The following C3orf49 variants were observed in gnomAD, a reference collection of about 807,000 sequenced individuals.
C3orf49 encodes the protein chromosome 3 open reading frame 49.
A neutral mutation model predicts 13.3 loss-of-function variants in C3orf49; 27 were observed. The ratio of observed to expected loss-of-function variants is 2.02; its 90% CI spans 1.49 to 2.79. C3orf49 has a LOEUF of 2.79. Ranked by LOEUF, C3orf49 falls within the 30% of genes most tolerant of loss-of-function variation. The pLI, the probability that C3orf49 is intolerant of heterozygous loss-of-function variation, is 0.00. For missense variants in C3orf49, 242 were observed against 134.2 expected, an observed-to-expected ratio of 1.80 and a Z score of -3.97; for synonymous variants, 87 against 47.6, an observed-to-expected ratio of 1.83 and a Z score of -3.40.
intron 2 of C3orf49, among the ~76,000 whole-genome samples, chr3:63,826,065 G>T (rs1039227736): frequency 6.6e-6 from 1 of 152,212 alleles, no homozygotes; most frequent in African/African-American, 2.4e-5. Context: ...ATTAGGAAAT[G>T]AAAGAAATCC....
At chr3:63,789,301 G>A in the C3orf49 span, among the ~76,000 whole-genome samples, 6 of 152,146 alleles carry the variant, frequency 3.9e-5, no homozygotes, top group African/African-American at 1.2e-4. Flanking sequence ...CTCCATTCAT[G>A]GAAAAATTGT....
At chr3:63,818,415 C>G (rs754968139), upstream of C3orf49, among the ~76,000 whole-genome samples, 3 of 152,112 alleles carry the variant, frequency 2.0e-5, no homozygotes, top group Non-Finnish European at 4.4e-5. Context: ...CATACAAGAC[C>G]CTCACTACTC....
At chr3:63,838,130 C>T in intron 5 of C3orf49, 2 of 1,424,316 alleles carry the variant, frequency 1.4e-6, no homozygotes, top group Non-Finnish European at 1.9e-6. Flanking sequence ...TTTTAAAACG[C>T]ATTTATAAAT....
chr3:63,835,387 T>A, intron 5 of C3orf49: 2 of 1,613,218 alleles, frequency 1.2e-6, no homozygotes, highest in Non-Finnish European at 1.7e-6. Context: ...GAGCCTCTAG[T>A]TCCCTGGAAA....
chr3:63,824,097 C>T (rs1701436195), intron 2 of C3orf49, among the ~76,000 whole-genome samples: 1 of 152,010 alleles, frequency 6.6e-6, no homozygotes, highest in African/African-American at 2.4e-5. Context: ...CTTGCTCATA[C>T]CTTTTGAGAA....
At chr3:63,838,472 G>A in intron 5 of C3orf49, 2 of 1,609,494 alleles carry the variant, frequency 1.2e-6, no homozygotes, top group Non-Finnish European at 1.7e-6. Context: ...GAGACAGCGT[G>A]CTCAGCATAC....
chr3:63,821,405 T>C (rs985471671), intron 1 of C3orf49, among the ~76,000 whole-genome samples: 1 of 152,198 alleles, frequency 6.6e-6, no homozygotes, highest in East Asian at 1.9e-4. Flanking sequence ...TAGAAATATA[T>C]GTTATATATT....
At chr3:63,839,220 C>T (rs377428494) in intron 5 of C3orf49, among the ~76,000 whole-genome samples, 3 of 152,138 alleles carry the variant, frequency 2.0e-5, no homozygotes, top group African/African-American at 7.2e-5. Context: ...TACGTGTGTG[C>T]GTGTGTATCA....
the C3orf49 span, among the ~76,000 whole-genome samples, chr3:63,800,033 G>A: frequency 6.6e-6 from 1 of 152,184 alleles, no homozygotes; most frequent in African/African-American, 2.4e-5. Context: ...AGGATGGAAT[G>A]TACTAGAAGG....
chr3:63,820,531 G>C (rs1701378765), intron 1 of C3orf49, among the ~76,000 whole-genome samples: 1 of 152,168 alleles, frequency 6.6e-6, no homozygotes, highest in Non-Finnish European at 1.5e-5. Flanking sequence ...ACACCTTCTA[G>C]AGATTCTGAG....
the C3orf49 span, among the ~76,000 whole-genome samples, chr3:63,809,355 G>A: frequency 6.6e-6 from 1 of 152,188 alleles, no homozygotes; most frequent in African/African-American, 2.4e-5. Context: ...ACAAATTTAT[G>A]CTGTTTTAAG....
the C3orf49 span, among the ~76,000 whole-genome samples, chr3:63,783,616 G>T: frequency 1.3e-5 from 2 of 151,394 alleles, no homozygotes; most frequent in African/African-American, 4.9e-5. Flanking sequence ...TACTTGGGAG[G>T]CTGAGGCACG....
At chr3:63,815,771 CTTTTT>C (rs1227837780), upstream of C3orf49, among the ~76,000 whole-genome samples, 3 of 136,576 alleles carry the variant, frequency 2.2e-5, no homozygotes, top group African/African-American at 2.8e-5. Flanking sequence ...TCTTTTCTTT[CTTTTT>C]TTTTTTTTTT....
At chr3:63,839,300 A>C (rs1225774656) in intron 5 of C3orf49, among the ~76,000 whole-genome samples, 1 of 152,192 alleles carries the variant, frequency 6.6e-6, no homozygotes, top group Non-Finnish European at 1.5e-5. Flanking sequence ...ATCACGATTA[A>C]TTTTGCACCA....
intron 5 of C3orf49, chr3:63,834,249 TA>T: frequency 6.4e-7 from 1 of 1,567,792 alleles, no homozygotes; most frequent in Non-Finnish European, 8.8e-7. Context: ...GCCTATATTT[TA>T]TATTCGATGA....
chr3:63,786,551 GC>G, the C3orf49 span, among the ~76,000 whole-genome samples: 1 of 152,164 alleles, frequency 6.6e-6, no homozygotes, highest in Non-Finnish European at 1.5e-5. Context: ...AGGTCGTGGA[GC>G]TAAAGAAGGA....
chr3:63,804,151 G>A, the C3orf49 span, among the ~76,000 whole-genome samples: 1 of 152,132 alleles, frequency 6.6e-6, no homozygotes, highest in Non-Finnish European at 1.5e-5. Context: ...AGCTTCGCTT[G>A]CTTGCTTGCC....
the C3orf49 span, among the ~76,000 whole-genome samples, chr3:63,812,413 T>C: frequency 2.0e-5 from 3 of 152,236 alleles, no homozygotes; most frequent in Non-Finnish European, 4.4e-5. Context: ...AAACTTGCTA[T>C]AGGCCAAACA....
At chr3:63,839,524 C>T (rs922584925) in intron 5 of C3orf49, 4 of 781,820 alleles carry the variant, frequency 5.1e-6, no homozygotes, top group African/African-American at 1.7e-5. Flanking sequence ...AAAATCTACT[C>T]TTGGTTAATT....
Sources: gnomAD v4.1 joint callset for allele counts (sites outside exome capture counted in the v4.1 genomes callset) on GRCh38, gnomAD v4.1.1 for gene constraint, MANE v1.5 for transcripts, NCBI Gene and HGNC (gene_info 2026-07-23, HGNC 2026-07-21) for gene names.